The following LGALS9B variants were observed in gnomAD, a reference collection of about 807,000 sequenced individuals.
The protein encoded by LGALS9B is galectin 9B, also known as galectin-9B.
In LGALS9B, 8 loss-of-function variants were observed where a neutral mutation model predicts 35.9. That is an observed-to-expected ratio of 0.22 (90% CI 0.13 to 0.40). LGALS9B has a LOEUF of 0.40. Among genes scored for constraint, LGALS9B ranks in the 10% least tolerant of loss-of-function variants. The pLI is 1.00. For missense variants in LGALS9B, 101 were observed against 397.9 expected (o/e 0.25, Z 6.35); for synonymous variants, 42 against 148.6 (o/e 0.28, Z 5.22).
At chr17:20,467,192 G>C (rs1424557672) in intron 1 of LGALS9B, among the ~76,000 whole-genome samples, 1 of 144,266 alleles carries the variant, frequency 6.9e-6, no homozygotes, top group Non-Finnish European at 1.5e-5. Context: ...GACAGGACAC[G>C]ACAGCTCAGC....
Position 20,455,344 on chromosome 17 carries a change from G to C in LGALS9B, c.499C>G (p.Pro167Ala), listed in dbSNP as rs1406240093. The C allele has an allele frequency of 7.4e-7, 1 of 1,355,650 alleles. No homozygotes were observed. The highest frequency in any genetic ancestry group is 1.0e-6 in the Non-Finnish European group (1 of 970,216). The allele number at this position is 1,355,650 out of a possible 1,614,324, so 84.0% of individuals were successfully genotyped here. ...CTGGGCCTGGGTGGGAAACAGACAG[G>C]CTGGGAGAACGGCACCGTGGAGAAG... is the stretch of plus-strand genomic sequence containing the variant. Reference protein sequence around the residue: ...PAFSTVPFSQPVCFPPRPRGR... With the variant: ...PAFSTVPFSQAVCFPPRPRGR... The change falls in exon 5 of 11, where the codon CCT becomes GCT. Residue 167 changes from proline (P) to alanine (A), a missense_variant. By Grantham distance (27) the Pro-to-Ala change is conservative. Coordinates refer to ENST00000423676, the MANE Select transcript of LGALS9B (RefSeq NM_001367292.2).
At chr17:20,450,285 C>A (rs1567659319) in intron 10 of LGALS9B, among the ~76,000 whole-genome samples, 166 bp from the exon 11 acceptor site, 1 of 139,700 alleles carries the variant, frequency 7.2e-6, no homozygotes, top group Non-Finnish European at 1.6e-5. Context: ...GTGCGTGCTC[C>A]TTCCCCTGTA....
chr17:20,458,536 C>G, intron 2 of LGALS9B, 152 bp from the exon 3 acceptor site: 2 of 1,438,054 alleles, frequency 1.4e-6, no homozygotes, highest in Non-Finnish European at 1.9e-6. Context: ...GTTTTTGTTT[C>G]TCTAATTTGG....
chr17:20,451,767 C>A lies in LGALS9B; in HGVS notation c.761+28G>T. The A allele has an allele frequency of 4.9e-6, 6 of 1,225,038 alleles. 1 individual carries two copies. The highest frequency in any genetic ancestry group is 7.0e-6 in the Non-Finnish European group (6 of 861,906). 75.9% of individuals were successfully genotyped at this position (1,225,038 alleles called of 1,614,324 possible). Reference sequence around the variant, plus strand: ...AATTACCTTGAAGGGCTCTCTCTTCCCAGAGGTCACTGGAGCCTTTGGCTT... The same window carrying A: ...AATTACCTTGAAGGGCTCTCTCTTCACAGAGGTCACTGGAGCCTTTGGCTT... On this transcript the variant is annotated intron_variant, in intron 9 of 10. Transcript: ENST00000423676.
chr17:20,449,752 C>T lies in LGALS9B; in HGVS notation c.*221G>A, dbSNP rs1485015782. 3.5e-5 allele frequency: 12 copies of T among 346,250 alleles called. 3 individuals carry two copies. The highest frequency in any genetic ancestry group is 1.0e-4 in the East Asian group (3 of 28,702). The allele number at this position is 346,250 out of a possible 1,614,324, so 21.4% of individuals were successfully genotyped here. ...GGGATTGTAGGATTCCAGCAGCTGG[C>T]GCCCCAGGTGCTGCTGCGGCTGAGG... On this transcript the variant is annotated 3_prime_UTR_variant, in exon 11 of 11. Transcript: ENST00000423676.
rs372686364 is a variant in LGALS9B, at chr17:20,458,199, T to C, written c.317A>G (p.Gln106Arg). 991 of 1,612,164 alleles carry C rather than the reference T, an allele frequency of 6.1e-4. 6 individuals are homozygous for C. The African/African-American group carries it at 0.011, about 18-fold the overall frequency. Residue 106 changes from glutamine to arginine, a missense_variant, in exon 3 of 11, where the codon CAG becomes CGG. Transcript: ENST00000423676. ...CCTGCTTACCTTGAAATCTGAGCTC[T>C]GCACCAGGAAGCAGAGGTCAAAGGG... The part of the protein sequence containing the change: ...GMPFDLCFLV[Q>R]SSDFKVMVNG...
chr17:20,455,671 G>A (rs1173266265), intron 4 of LGALS9B, among the ~76,000 whole-genome samples: 3 of 148,546 alleles, frequency 2.0e-5, no homozygotes, highest in African/African-American at 4.9e-5. Flanking sequence ...AGGGTGAGGA[G>A]CCCAGATTTG....
In LGALS9B at chr17:20,449,956, CA is replaced by C; in HGVS notation, c.*16del. 8.8e-7 allele frequency: 1 copy of C among 1,130,216 alleles called. No individual in the cohort carries two copies. Among genetic ancestry groups the C allele is most frequent in the Admixed American group, 2.2e-5 (1 of 44,460 alleles). 70.0% of individuals were successfully genotyped at this position (1,130,216 alleles called of 1,614,324 possible). ...TGCCCCACACCCCAGCCCCCGGCCC[CA>C]GGGCCAGGGAGCCGCCTATGTCTGC... On this transcript the variant is annotated 3_prime_UTR_variant, in exon 11 of 11. Transcript: ENST00000423676.
intron 4 of LGALS9B, among the ~76,000 whole-genome samples, chr17:20,456,300 A>G (rs2042690015): frequency 7.6e-6 from 1 of 131,004 alleles, no homozygotes; most frequent in East Asian, 2.4e-4. Flanking sequence ...CTAGAACAAT[A>G]TGCCCTCCTT....
chr17:20,451,110 G>A (rs1337204707), intron 10 of LGALS9B, among the ~76,000 whole-genome samples: 1 of 151,278 alleles, frequency 6.6e-6, no homozygotes, highest in Admixed American at 6.6e-5. Flanking sequence ...CTTCATGACT[G>A]CGCTCCCAGC....
chr17:20,451,609 C>T lies in LGALS9B; in HGVS notation c.796G>A (p.Ala266Thr), dbSNP rs750209193. The T allele has an allele frequency of 3.8e-6, 6 of 1,598,842 alleles. No homozygotes were observed. The highest frequency in any genetic ancestry group is 4.3e-6 in the Non-Finnish European group (5 of 1,173,216). The change falls in exon 10 of 11, where the codon GCC (alanine) becomes ACC (threonine). Residue 266 changes from alanine (A) to threonine (T), a missense_variant. Transcript: ENST00000423676. ...TCAAAACGGGGGTTCATGTGGAAGG[C>T]GATGTGGCTCCCAGAGCACAGGTTG... ...HINLCSGSHIAFHMNPRFDEN... is the reference protein window; with the variant it reads ...HINLCSGSHITFHMNPRFDEN...
chr17:20,465,747 G>A (rs1477380334), intron 1 of LGALS9B, among the ~76,000 whole-genome samples: 5 of 126,890 alleles, frequency 3.9e-5, no homozygotes, highest in African/African-American at 9.3e-5. Context: ...AGGTTTCCAA[G>A]CCAGGCCCTC....
At chr17:20,453,199 G>C in intron 6 of LGALS9B, 132 bp from the exon 7 acceptor site, 1 of 880,842 alleles carries the variant, frequency 1.1e-6, no homozygotes, top group Non-Finnish European at 1.8e-6. Context: ...ACCCCACGGA[G>C]GGTGGGTCCA....
intron 1 of LGALS9B, among the ~76,000 whole-genome samples, chr17:20,465,641 C>T (rs1224444752): frequency 3.5e-5 from 3 of 84,884 alleles, no homozygotes; most frequent in Admixed American, 1.3e-4. Context: ...TCCTGGCTCT[C>T]GCAGTGCTTC....
intron 1 of LGALS9B, among the ~76,000 whole-genome samples, chr17:20,462,782 G>A (rs2042736498): frequency 6.6e-6 from 1 of 151,802 alleles, no homozygotes; most frequent in Non-Finnish European, 1.5e-5. Flanking sequence ...GGCTAGGATT[G>A]GGAAGCCTGT....
chr17:20,459,024 G>A (rs2042709705), intron 2 of LGALS9B, among the ~76,000 whole-genome samples: 1 of 151,962 alleles, frequency 6.6e-6, no homozygotes, highest in Non-Finnish European at 1.5e-5. Flanking sequence ...GGATGAGATG[G>A]GAGGATCCCT....
At chr17:20,454,443 C>A (rs1215663731) in intron 5 of LGALS9B, among the ~76,000 whole-genome samples, 1 of 152,128 alleles carries the variant, frequency 6.6e-6, no homozygotes, top group African/African-American at 2.4e-5. Flanking sequence ...ATTCCACATT[C>A]ATCCATTCTT....
intron 1 of LGALS9B, among the ~76,000 whole-genome samples, chr17:20,461,742 C>T (rs1353218982): frequency 1.4e-5 from 1 of 72,736 alleles, no homozygotes; most frequent in Non-Finnish European, 2.9e-5. Flanking sequence ...ACCATCTGGG[C>T]TTAGTATTGG....
intron 1 of LGALS9B, among the ~76,000 whole-genome samples, chr17:20,466,372 G>A (rs1482985557): frequency 6.6e-6 from 1 of 151,764 alleles, no homozygotes; most frequent in Non-Finnish European, 1.5e-5. Flanking sequence ...ATCACCAGAG[G>A]GCACCCAAGC....
Sources: gnomAD v4.1 joint callset for allele counts (sites outside exome capture counted in the v4.1 genomes callset) on GRCh38, gnomAD v4.1.1 for gene constraint, MANE v1.5 for transcripts, NCBI Gene and HGNC (gene_info 2026-07-23, HGNC 2026-07-21) for gene names.